PCDHGA1: variants seen among roughly 807,000 people sequenced by gnomAD.
PCDHGA1 encodes the protein protocadherin gamma subfamily A, 1.
PCDHGA1 carries 32 observed loss-of-function variants against 58.0 expected under a neutral mutation model. The observed-to-expected ratio is 0.55, with a 90% CI of 0.42 to 0.74. PCDHGA1 has a LOEUF of 0.74. PCDHGA1 is among the 30% of genes least tolerant of loss of function. PCDHGA1 has a pLI of 0.00. For synonymous variants in PCDHGA1, 498 were observed against 501.1 expected, an observed-to-expected ratio of 0.99 and a Z score of 0.08; for missense variants, 1,205 against 1,182.3, an observed-to-expected ratio of 1.02 and a Z score of -0.28.
Position 141,365,921 on chromosome 5 carries a change from T to C in PCDHGA1, c.2421+32816T>C. ...TGAGCAGTTGAGAGACCTACAGTTG[T>C]GGGTGACAGCCAGCGACAGTGGGAA... On this transcript the variant is annotated intron_variant, in intron 1 of 3. Transcript: ENST00000517417. The C allele has an allele frequency of 3.7e-6, 6 of 1,614,192 alleles. No individual in the cohort carries two copies. In the South Asian group the frequency reaches 5.5e-5, roughly 15 times the overall value.
intron 1 of PCDHGA1, among the ~76,000 whole-genome samples, chr5:141,464,827 C>T (rs529757361): frequency 1.5e-4 from 23 of 152,246 alleles, no homozygotes; most frequent in African/African-American, 4.6e-4. Flanking sequence ...TAGCCTCGCA[C>T]TCCTGGGCTC....
At chr5:141,399,194 C>G in intron 1 of PCDHGA1, 1 of 1,613,838 alleles carries the variant, frequency 6.2e-7, no homozygotes, top group Non-Finnish European at 8.5e-7. Context: ...CTGGAAAACG[C>G]GGTGCCTGGA....
rs369518437 is a variant in PCDHGA1, at chr5:141,341,419, C to T, written c.2421+8314C>T. On this transcript the variant is annotated intron_variant, in intron 1 of 3. Coordinates refer to ENST00000517417, the MANE Select transcript of PCDHGA1 (RefSeq NM_018912.3). ...AGGTAATCTATCTTTTCACAACATA[C>T]GTACTAGCTAGTTTGCTGAAGTAAT... 3.2e-5 allele frequency: 52 copies of T among 1,612,896 alleles called. 1 individual carries two copies. The African/African-American group carries it at 4.1e-4, about 13-fold the overall frequency.
intron 1 of PCDHGA1, among the ~76,000 whole-genome samples, chr5:141,386,991 A>G (rs1218503150): frequency 6.6e-6 from 1 of 152,212 alleles, no homozygotes; most frequent in Non-Finnish European, 1.5e-5. Context: ...GAGGCTATGT[A>G]TTATCCCCCT....
At chr5:141,450,829 A>ATTTTT (rs373424450) in intron 1 of PCDHGA1, among the ~76,000 whole-genome samples, 3 of 135,122 alleles carry the variant, frequency 2.2e-5, no homozygotes, top group Admixed American at 7.6e-5. Flanking sequence ...TATTATTATT[A>ATTTTT]TTTTTTTTTT....
intron 1 of PCDHGA1, chr5:141,338,706 G>C (rs1157840576): frequency 1.6e-6 from 1 of 624,380 alleles, no homozygotes; most frequent in South Asian, 6.9e-5. Context: ...AAATTATTTA[G>C]GCCTCTGAGC....
At chr5:141,366,349 T>C in intron 1 of PCDHGA1, 1 of 1,613,938 alleles carries the variant, frequency 6.2e-7, no homozygotes, top group Non-Finnish European at 8.5e-7. Context: ...ACATCCTGGC[T>C]GACCTAGGCA....
At chr5:141,495,052 CTGTT>C (rs1406995321) in intron 2 of PCDHGA1, among the ~76,000 whole-genome samples, 187 bp downstream of exon 2, 1 of 152,190 alleles carries the variant, frequency 6.6e-6, no homozygotes, top group Non-Finnish European at 1.5e-5. Context: ...ACTGCCCTGA[CTGTT>C]CAGGAAGCTC....
In PCDHGA1 at chr5:141,431,318, G is replaced by T. The variant is rs1309389474; in HGVS notation, c.2422-63489G>T. The T allele has an allele frequency of 6.2e-7, 1 of 1,614,086 alleles. No individual in the cohort carries two copies. Among genetic ancestry groups the T allele is most frequent in the African/African-American group, 1.3e-5 (1 of 75,050 alleles). ...CTCCCTCATCGTGCAAAATGGAGCCGACGGTAGTAAGTACCCCGAATTGGT... is the reference window on the plus strand; with the variant it reads ...CTCCCTCATCGTGCAAAATGGAGCCTACGGTAGTAAGTACCCCGAATTGGT... On this transcript the variant is annotated intron_variant, in intron 1 of 3. Coordinates refer to ENST00000517417, the MANE Select transcript of PCDHGA1 (RefSeq NM_018912.3). The surrounding 1 kb of genome is among the most constrained non-coding windows in gnomAD (Gnocchi z 4.8).
chr5:141,352,378 G>C, intron 1 of PCDHGA1: 1 of 1,614,008 alleles, frequency 6.2e-7, no homozygotes, highest in Non-Finnish European at 8.5e-7. Flanking sequence ...TGATTCTAGC[G>C]ATCGCCCTGC....
intron 1 of PCDHGA1, among the ~76,000 whole-genome samples, chr5:141,481,913 CAAAAAAA>C (rs34114744): frequency 2.2e-5 from 2 of 90,812 alleles, no homozygotes; most frequent in Admixed American, 1.2e-4. Context: ...AACTCCATCT[CAAAAAAA>C]AAAAAAAAAA....
chr5:141,365,223 T>C (rs1561533548), intron 1 of PCDHGA1: 7 of 1,613,924 alleles, frequency 4.3e-6, no homozygotes, highest in Non-Finnish European at 5.9e-6. Context: ...GATTCCAACC[T>C]GGGGGAAATC....
At chr5:141,352,127 C>T (rs953232371) in intron 1 of PCDHGA1, 2 of 1,610,004 alleles carry the variant, frequency 1.2e-6, no homozygotes, top group African/African-American at 1.3e-5. Context: ...GGGTGAGGTG[C>T]GCACAGCGCG....
At position 141,361,602 on chromosome 5, in the gene PCDHGA1, C is replaced by A. The variant is rs571629532; in HGVS notation, c.2421+28497C>A. The stretch of plus-strand genomic sequence containing the variant: ...TGGGCCCCAGTGGCCAAGTTTCCTA[C>A]TCCATCGTAGCGAGCGACCTGAAGC... On this transcript the variant is annotated intron_variant, in intron 1 of 3. Coordinates refer to ENST00000517417, the MANE Select transcript of PCDHGA1 (RefSeq NM_018912.3). 4.1e-5 allele frequency: 66 copies of A among 1,614,054 alleles called. 1 individual carries two copies. The Admixed American group carries it at 8.5e-4, about 21-fold the overall frequency.
At chr5:141,420,469 T>C in intron 1 of PCDHGA1, 1 of 724,306 alleles carries the variant, frequency 1.4e-6, no homozygotes. Flanking sequence ...AAAGACATTT[T>C]AAAGCAAACT....
In PCDHGA1 at chr5:141,352,436, G is replaced by A. The variant is rs1187480679; in HGVS notation, c.2421+19331G>A. On this transcript the variant is annotated intron_variant, in intron 1 of 3. Transcript: ENST00000517417. ...CGACACTGAGGGCTGCTTTCAAACCGGTCTCTGCTCCAAGTCTGGGCCCGG... is the reference window on the plus strand; with the variant it reads ...CGACACTGAGGGCTGCTTTCAAACCAGTCTCTGCTCCAAGTCTGGGCCCGG... The A allele has an allele frequency of 3.1e-6, 5 of 1,613,880 alleles. No individual in the cohort carries two copies. Among genetic ancestry groups the A allele is most frequent in the Admixed American group, 1.7e-5 (1 of 60,008 alleles).
intron 1 of PCDHGA1, chr5:141,403,757 C>G (rs1326659106): frequency 6.2e-7 from 1 of 1,613,766 alleles, no homozygotes; most frequent in Non-Finnish European, 8.5e-7. Flanking sequence ...AGCCAGCGAC[C>G]TGGATGAGGG....
At chr5:141,364,382 A>G (rs745604333) in intron 1 of PCDHGA1, 3 of 1,582,176 alleles carry the variant, frequency 1.9e-6, no homozygotes, top group South Asian at 2.3e-5. Flanking sequence ...GCTGCCCTTC[A>G]TGCTCCTGGG....
At chr5:141,351,408 A>G (rs754223398) in intron 1 of PCDHGA1, 1 of 1,611,512 alleles carries the variant, frequency 6.2e-7, no homozygotes, top group Non-Finnish European at 8.5e-7. Context: ...TGCTATACTC[A>G]GGAAGAAGTT....
Sources: allele counts gnomAD v4.1 joint callset (sites outside exome capture counted in the v4.1 genomes callset), GRCh38; gene constraint gnomAD v4.1.1; non-coding constraint Gnocchi (gnomAD v3.1); transcripts MANE v1.5; gene names NCBI Gene and HGNC (gene_info 2026-07-23, HGNC 2026-07-21).